The following CCSER1 variants were observed in gnomAD, a reference collection of about 807,000 sequenced individuals.
The protein encoded by CCSER1 is coiled-coil serine rich protein 1.
Under a neutral mutation model 82.0 loss-of-function variants are expected in CCSER1, and 41 were observed. That is an observed-to-expected ratio of 0.50 (90% CI 0.39 to 0.65). CCSER1 has a LOEUF of 0.65. Ranked by LOEUF, CCSER1 falls within the 30% of genes least tolerant of loss-of-function variation. The pLI is 0.00. For missense variants in CCSER1, 1,119 were observed against 1,064.2 expected, an observed-to-expected ratio of 1.05 and a Z score of -0.72; for synonymous variants, 414 against 383.9, an observed-to-expected ratio of 1.08 and a Z score of -0.92.
At chr4:90,972,984 A>T (rs923937344) in intron 9 of CCSER1, among the ~76,000 whole-genome samples, 3 of 151,744 alleles carry the variant, frequency 2.0e-5, no homozygotes, top group African/African-American at 7.3e-5. Context: ...AAACTGGACC[A>T]TTATCTCACA....
At chr4:91,204,937 T>C (rs372547674) in intron 10 of CCSER1, among the ~76,000 whole-genome samples, 2 of 151,834 alleles carry the variant, frequency 1.3e-5, no homozygotes, top group South Asian at 4.1e-4. Context: ...AACAATAAAA[T>C]GCAGCACTTA....
At chr4:91,140,229 T>C (rs1728897322) in intron 10 of CCSER1, among the ~76,000 whole-genome samples, 1 of 151,836 alleles carries the variant, frequency 6.6e-6, no homozygotes, top group Non-Finnish European at 1.5e-5. Flanking sequence ...TATAGTATAA[T>C]GATGAGAAAA....
intron 3 of CCSER1, among the ~76,000 whole-genome samples, chr4:90,377,722 AC>A (rs1455416817): frequency 2.6e-5 from 4 of 152,078 alleles, no homozygotes; most frequent in Non-Finnish European, 4.4e-5. Context: ...GATGTAGGAA[AC>A]CCCATGTAAC....
intron 5 of CCSER1, among the ~76,000 whole-genome samples, chr4:90,576,034 G>T (rs1211775277): frequency 2.0e-5 from 3 of 151,708 alleles, no homozygotes; most frequent in East Asian, 3.9e-4. Context: ...TTGTTTCTCA[G>T]ATATGTTCCC....
rs1018497303 is a variant in CCSER1 at position 91,093,390 on chromosome 4, C to T, written c.2217+7396C>T. Reference sequence around the variant, plus strand: ...GGGAGTAAGGTTGCAGGATTCAGAGCGTTACAGACCTCAATGGTTATGCGG... The same window carrying T: ...GGGAGTAAGGTTGCAGGATTCAGAGTGTTACAGACCTCAATGGTTATGCGG... On this transcript the variant is annotated intron_variant, in intron 10 of 10. Transcript: ENST00000509176. 1.3e-5 allele frequency among the ~76,000 whole-genome samples: 2 copies of T among 152,236 alleles called. 1 individual carries two copies. The highest frequency in any genetic ancestry group is 1.3e-4 in the Admixed American group (2 of 15,282).
chr4:91,302,184 A>G (rs1229639208), intron 10 of CCSER1, among the ~76,000 whole-genome samples: 1 of 151,960 alleles, frequency 6.6e-6, no homozygotes. Flanking sequence ...TTTAGATGCA[A>G]TCATCTAAAA....
chr4:91,559,926 T>A (rs1182737542), intron 10 of CCSER1, among the ~76,000 whole-genome samples: 2 of 151,438 alleles, frequency 1.3e-5, no homozygotes, highest in Admixed American at 6.6e-5. Context: ...AAGGAAAAAC[T>A]GAAAATTTAA....
chr4:90,710,198 C>G (rs2149320932), intron 6 of CCSER1, among the ~76,000 whole-genome samples: 1 of 152,080 alleles, frequency 6.6e-6, no homozygotes, highest in East Asian at 1.9e-4. Context: ...ACCTTTGTCC[C>G]TTTGTCAGAT....
chr4:90,288,890 C>G (rs2153464558), intron 1 of CCSER1, among the ~76,000 whole-genome samples: 2 of 151,916 alleles, frequency 1.3e-5, no homozygotes, highest in South Asian at 4.1e-4. Flanking sequence ...TGTTCAGTTT[C>G]TAAAAACCTC....
At chr4:90,920,203 A>G (rs960088301) in intron 8 of CCSER1, among the ~76,000 whole-genome samples, 1 of 151,776 alleles carries the variant, frequency 6.6e-6, no homozygotes, top group African/African-American at 2.4e-5. Flanking sequence ...TTCCTTCTGT[A>G]TGGATGCATA....
chr4:90,779,061 G>C (rs940134983), intron 7 of CCSER1, among the ~76,000 whole-genome samples: 1 of 151,956 alleles, frequency 6.6e-6, no homozygotes, highest in Non-Finnish European at 1.5e-5. Context: ...CTTCCTTTCA[G>C]ATTTATGCAA....
At chr4:91,181,264 A>G (rs1181219266) in intron 10 of CCSER1, among the ~76,000 whole-genome samples, 1 of 152,264 alleles carries the variant, frequency 6.6e-6, no homozygotes, top group Non-Finnish European at 1.5e-5. Context: ...TACTTCTCAC[A>G]GGAGTCAGGA....
rs370575068 is a variant in CCSER1, at chr4:91,496,404, T to G, written c.2218-102168T>G. ...TTATAACAGTTACTAAACATATGCT[T>G]CTTTTCATTTTGAGCACCAAAACTA... On this transcript the variant is annotated intron_variant, in intron 10 of 10. Coordinates refer to ENST00000509176, the MANE Select transcript of CCSER1 (RefSeq NM_001145065.2). Among the ~76,000 whole-genome samples, 36 of 150,192 alleles carry G rather than the reference T, an allele frequency of 2.4e-4. 1 individual carries two copies. In the East Asian group the frequency reaches 2.6e-3, roughly 11 times the overall value.
chr4:91,529,171 A>G (rs1760908036), intron 10 of CCSER1, among the ~76,000 whole-genome samples: 1 of 152,176 alleles, frequency 6.6e-6, no homozygotes, highest in Non-Finnish European at 1.5e-5. Context: ...TTTCAGATGT[A>G]AGAAGGAAAA....
chr4:91,547,598 A>G (rs902455600), intron 10 of CCSER1, among the ~76,000 whole-genome samples: 1 of 152,150 alleles, frequency 6.6e-6, no homozygotes, highest in Admixed American at 6.5e-5. Flanking sequence ...TACAGACAAC[A>G]TGTAGTTGGG....
In CCSER1 at chr4:91,227,030, A is replaced by G. The variant is rs562941912; in HGVS notation, c.2217+141036A>G. On this transcript the variant is annotated intron_variant, in intron 10 of 10. Transcript: ENST00000509176. The stretch of plus-strand genomic sequence containing the variant: ...AGCACAGTGCCTGACATAACTGCAC[A>G]CTCAAAAGCTGTTCTCTATCATTAT... 6.6e-5 allele frequency among the ~76,000 whole-genome samples: 10 copies of G among 151,974 alleles called. No individual in the cohort carries two copies. The South Asian group carries it at 2.1e-3, about 32-fold the overall frequency.
chr4:90,281,504 A>T (rs954255732), intron 1 of CCSER1, among the ~76,000 whole-genome samples: 1 of 151,884 alleles, frequency 6.6e-6, no homozygotes, highest in Non-Finnish European at 1.5e-5. Flanking sequence ...TAAAAAAATA[A>T]TTTTTTCCAT....
intron 1 of CCSER1, among the ~76,000 whole-genome samples, chr4:90,162,763 T>G (rs564673260): frequency 6.6e-6 from 1 of 152,102 alleles, no homozygotes; most frequent in South Asian, 2.1e-4. Flanking sequence ...AAATTCATTT[T>G]TTTCTTCTAT....
intron 6 of CCSER1, among the ~76,000 whole-genome samples, chr4:90,661,625 TAGTTATTAGACCATGGTACAGATTAG>T (rs955259839): frequency 1.3e-5 from 2 of 152,194 alleles, no homozygotes; most frequent in Non-Finnish European, 2.9e-5. Context: ...GGCTGAATGA[TAGTTATTAGACCATGGTACAGATTAG>T]AGAAAGAGTT....
Sources: gnomAD v4.1 joint callset for allele counts (sites outside exome capture counted in the v4.1 genomes callset) on GRCh38, gnomAD v4.1.1 for gene constraint, MANE v1.5 for transcripts, NCBI Gene and HGNC (gene_info 2026-07-23, HGNC 2026-07-21) for gene names.